The following MAN2B1 variants were observed in gnomAD, a reference collection of about 807,000 sequenced individuals.
MAN2B1 encodes the protein mannosidase alpha class 2B member 1, also known as lysosomal alpha-mannosidase.
MAN2B1 carries 99 observed loss-of-function variants against 127.5 expected under a neutral mutation model. The ratio of observed to expected loss-of-function variants is 0.78; its 90% confidence interval spans 0.66 to 0.92. The LOEUF (loss-of-function observed/expected upper bound fraction) is 0.92, where lower values mean the gene tolerates loss of function less well. Among genes scored for constraint, MAN2B1 ranks in the 40% least tolerant of loss-of-function variants. MAN2B1 has a pLI of 0.00. For synonymous variants in MAN2B1, 573 were observed against 568.8 expected (o/e 1.01, Z -0.11); for missense variants, 1,304 against 1,384.8 (o/e 0.94, Z 0.93).
chr19:12,646,651 G>A lies in MAN2B1; in HGVS notation c.3005C>T (p.Ala1002Val), dbSNP rs777171557. The change falls in exon 24 of 24, where the codon GCC (alanine) becomes GTC (valine). Residue 1002 changes from alanine (A) to valine (V), a missense_variant. By Grantham distance (64) the Ala-to-Val change is moderately conservative. Transcript: ENST00000456935. ...ATCCACCTCCTTCCATTGAACTGAG[G>A]CCAGGAAAGTGCGGATTTCCATGGG... ...LEPMEIRTFL[A>V]SVQWKEVDG 1.9e-6 allele frequency: 3 copies of A among 1,613,880 alleles called. No individual in the cohort carries two copies. The highest frequency in any genetic ancestry group is 2.5e-6 in the Non-Finnish European group (3 of 1,179,846).
intron 16 of MAN2B1, among the ~76,000 whole-genome samples, chr19:12,651,319 CCT>C (rs1050226100): frequency 1.3e-5 from 2 of 152,132 alleles, no homozygotes; most frequent in African/African-American, 2.4e-5. Flanking sequence ...GTTCCTTGCC[CCT>C]GTCCCTCTGC....
chr19:12,653,800 C>T (rs1030489140), intron 14 of MAN2B1, among the ~76,000 whole-genome samples: 1 of 151,682 alleles, frequency 6.6e-6, no homozygotes, highest in Non-Finnish European at 1.5e-5. Flanking sequence ...CTCACTGCAA[C>T]CTCCACCTCC....
rs377266367 is a variant in MAN2B1 at position 12,647,182 on chromosome 19, C to T, written c.2923+51G>A. 4.6e-6 allele frequency: 7 copies of T among 1,511,614 alleles called. No individual in the cohort carries two copies. In the African/African-American group the frequency reaches 9.6e-5, roughly 21 times the overall value. The allele number at this position is 1,511,614 out of a possible 1,614,324, so 93.6% of individuals were successfully genotyped here. On this transcript the variant is annotated intron_variant, in intron 23 of 23. Transcript: ENST00000456935. The surrounding 1 kb of genome is among the most constrained non-coding windows in gnomAD (Gnocchi z 4.9). ...ATGCCTCACACATTGCCCCCACCTG[C>T]CGGCCCCAGGTAAGACTCCACCCCT...
chr19:12,657,040 G>A lies in MAN2B1; in HGVS notation c.1436C>T (p.Ala479Val), dbSNP rs754724305. The change falls in exon 12 of 24, where the codon GCG (alanine) becomes GTG (valine). Residue 479 changes from alanine (A) to valine (V), a missense_variant. Ala to Val is a moderately conservative substitution (Grantham distance 64). Coordinates refer to ENST00000456935, the MANE Select transcript of MAN2B1 (RefSeq NM_000528.4). Reference sequence around the variant, plus strand: ...TTTGAAGCCTCTGAGCCGCGCCAGCGCGTTGCTCAGAAGAACCTGCGGAAG... The same window carrying A: ...TTTGAAGCCTCTGAGCCGCGCCAGCACGTTGCTCAGAAGAACCTGCGGAAG... ...WGPCEVLLSN[A>V]LARLRGFKDH... is the part of the protein sequence containing the mutation. 3.7e-6 allele frequency: 6 copies of A among 1,610,706 alleles called. No individual in the cohort carries two copies. In the East Asian group the frequency reaches 1.1e-4, roughly 30 times the overall value.
At position 12,646,747 on chromosome 19, in the gene MAN2B1, G is replaced by A. The variant is rs1482559071; in HGVS notation, c.2924-15C>T. ...GGGTGTGGGGCCTGGAGAGGTGCAG[G>A]GGGAAGGAGGAGTGAGGAGGTGCAG... On this transcript the variant is annotated splice_polypyrimidine_tract_variant and intron_variant, in intron 23 of 23. Coordinates refer to ENST00000456935, the MANE Select transcript of MAN2B1 (RefSeq NM_000528.4). The A allele has an allele frequency of 1.3e-6, 2 of 1,578,654 alleles. No homozygotes were observed. Among genetic ancestry groups the A allele is most frequent in the South Asian group, 2.2e-5 (2 of 90,372 alleles).
Position 12,656,092 on chromosome 19 carries a change from T to C in MAN2B1, c.1645-213A>G, listed in dbSNP as rs1258616220. The C allele has an allele frequency of 6.9e-6, 3 of 433,370 alleles. No homozygotes were observed. The South Asian group carries it at 9.1e-5, about 13-fold the overall frequency. The allele number at this position is 433,370 out of a possible 1,614,324, so 26.8% of individuals were successfully genotyped here. The stretch of plus-strand genomic sequence containing the variant: ...ACCCACCGGGAGGGTGGAGAGACCA[T>C]GGAGTCGGGGGAGTGAAGGAGGAAG... On this transcript the variant is annotated intron_variant, in intron 13 of 23. Transcript: ENST00000456935.
At position 12,648,410 on chromosome 19, in the gene MAN2B1, G is replaced by T. The variant is rs1599339769; in HGVS notation, c.2437-8C>A. The T allele has an allele frequency of 6.2e-7, 1 of 1,606,460 alleles. No individual in the cohort carries two copies. The highest frequency in any genetic ancestry group is 1.3e-5 in the African/African-American group (1 of 74,874). On this transcript the variant is annotated splice_polypyrimidine_tract_variant and splice_region_variant and intron_variant, in intron 20 of 23. Transcript: ENST00000456935. Reference sequence around the variant, plus strand: ...CAGCAGCCTTCGGTGCACCTGGGGGGAGAGTGGCCAGGAGGGGGTGAGAGT... The same window carrying T: ...CAGCAGCCTTCGGTGCACCTGGGGGTAGAGTGGCCAGGAGGGGGTGAGAGT...
rs2023980703 is a variant in MAN2B1, at chr19:12,657,064, A to G, written c.1420-8T>C. On this transcript the variant is annotated splice_region_variant and splice_polypyrimidine_tract_variant and intron_variant, in intron 11 of 23. Coordinates refer to ENST00000456935, the MANE Select transcript of MAN2B1 (RefSeq NM_000528.4). ...CGCGTTGCTCAGAAGAACCTGCGGA[A>G]GAGCGCAAAGGGACCGGTGGGTTCA... 1 of 1,564,592 alleles carries G rather than the reference A, an allele frequency of 6.4e-7. No individual in the cohort carries two copies. Among genetic ancestry groups the G allele is most frequent in the Non-Finnish European group, 8.8e-7 (1 of 1,141,746 alleles).
chr19:12,656,324 T>C (rs1272527645), intron 13 of MAN2B1: 5 of 507,160 alleles, frequency 9.9e-6, no homozygotes, highest in Non-Finnish European at 1.7e-5. Context: ...GCCACTGCAC[T>C]CCAGCCTGGG....
At chr19:12,666,116 G>A (rs2024230868) in intron 1 of MAN2B1, among the ~76,000 whole-genome samples, 1 of 152,166 alleles carries the variant, frequency 6.6e-6, no homozygotes, top group Non-Finnish European at 1.5e-5. Context: ...GTTATCCCCA[G>A]TTTCCAGATG....
chr19:12,661,824 G>GA (rs541166219), intron 6 of MAN2B1, among the ~76,000 whole-genome samples: 4,667 of 130,728 alleles, frequency 0.036, 155 homozygotes, highest in African/African-American at 0.091. Context: ...CCTGTCTCAA[G>GA]AAAAAAAAAA....
intron 10 of MAN2B1, 56 bp downstream of exon 10, chr19:12,658,006 AG>A: frequency 1.9e-6 from 2 of 1,068,640 alleles, no homozygotes; most frequent in Non-Finnish European, 2.8e-6. Flanking sequence ...GGGGCGGCCT[AG>A]GGGTGGTTTC....
intron 7 of MAN2B1, 124 bp from the exon 8 acceptor site, chr19:12,658,634 G>T: frequency 4.5e-6 from 4 of 895,976 alleles, no homozygotes; most frequent in Non-Finnish European, 7.2e-6. Context: ...CATATTTGGC[G>T]TGCAAGCCAA....
At position 12,647,328 on chromosome 19, in the gene MAN2B1, A is replaced by G; in HGVS notation, c.2828T>C (p.Phe943Ser). 6.2e-7 allele frequency: 1 copy of G among 1,614,094 alleles called. No homozygotes were observed. The highest frequency in any genetic ancestry group is 8.5e-7 in the Non-Finnish European group (1 of 1,179,990). ...CAGGCGGGTGATGGTGAAGGTGGAG[A>G]ACAGGTCCTGCGGGGAAGGGGATGG... is the stretch of plus-strand genomic sequence containing the variant. Reference protein sequence around the residue: ...APVTLNLRDLFSTFTITRLQE... With the variant: ...APVTLNLRDLSSTFTITRLQE... Residue 943 changes from phenylalanine (F) to serine (S), a missense_variant, in exon 23 of 24, where the codon TTC becomes TCC. Physicochemically the swap from Phe to Ser is radical, Grantham distance 155 (BLOSUM62 -2). Coordinates refer to ENST00000456935, the MANE Select transcript of MAN2B1 (RefSeq NM_000528.4). The surrounding 1 kb of genome is among the most constrained non-coding windows in gnomAD (Gnocchi z 4.9).
intron 13 of MAN2B1, chr19:12,656,130 C>T: frequency 2.2e-6 from 1 of 452,744 alleles, no homozygotes; most frequent in South Asian, 3.3e-5. Context: ...GGGGAAGAAA[C>T]CCTTGAGGCA....
At chr19:12,652,497 G>T in intron 14 of MAN2B1, 37 bp from the exon 15 acceptor site, 8 of 1,349,014 alleles carry the variant, frequency 5.9e-6, no homozygotes, top group Non-Finnish European at 8.5e-6. Context: ...GTTTGTGTGT[G>T]TATGTGTGTG....
At chr19:12,649,455 C>G (rs1305039361) in intron 18 of MAN2B1, 27 bp from the exon 19 acceptor site, 13 of 1,083,072 alleles carry the variant, frequency 1.2e-5, no homozygotes, top group East Asian at 2.5e-5. Context: ...GCTGATCAGG[C>G]TTGGGATCTG....
chr19:12,657,439 C>A lies in MAN2B1; in HGVS notation c.1419+7G>T. ...CCCCCGTGTCTCCCAAGTCTCGCCC[C>A]GCGCACCTCGCAAGGCCCCCAGCCT... On this transcript the variant is annotated splice_region_variant and intron_variant, in intron 11 of 23. Coordinates refer to ENST00000456935, the MANE Select transcript of MAN2B1 (RefSeq NM_000528.4). The A allele has an allele frequency of 1.3e-6, 2 of 1,548,052 alleles. No individual in the cohort carries two copies. The highest frequency in any genetic ancestry group is 1.2e-5 in the South Asian group (1 of 83,976).
rs117880912 is a variant in MAN2B1, at chr19:12,658,469, G to C, written c.1068C>G (p.Pro356=). ...TGTTCAGCTCCCAGAGGTAACAAGC[G>C]GGGGTGGAGTAGAGAACATGGACAC... is the stretch of plus-strand genomic sequence containing the variant. ...GSSVHVLYST[P]ACYLWELNKA... Residue 356 remains proline, a synonymous_variant, in exon 8 of 24, where the codon CCC becomes CCG. Transcript: ENST00000456935. 6,126 of 1,614,212 alleles carry C rather than the reference G, an allele frequency of 3.8e-3. 29 individuals are homozygous for C. Among genetic ancestry groups the C allele is most frequent in the Middle Eastern group, 7.9e-3 (48 of 6,062 alleles).
Sources: gnomAD v4.1 joint callset for allele counts (sites outside exome capture counted in the v4.1 genomes callset) on GRCh38, gnomAD v4.1.1 for gene constraint, Gnocchi (gnomAD v3.1) non-coding constraint, MANE v1.5 for transcripts, NCBI Gene and HGNC (gene_info 2026-07-23, HGNC 2026-07-21) for gene names.